The following IL1RAPL2 variants were observed in gnomAD, a reference collection of about 807,000 sequenced individuals.
IL1RAPL2 encodes the protein interleukin 1 receptor accessory protein like 2, also known as X-linked interleukin-1 receptor accessory protein-like 2.
In IL1RAPL2, 3 loss-of-function variants were observed where a neutral mutation model predicts 44.1. The ratio of observed to expected loss-of-function variants is 0.07; its 90% CI spans 0.03 to 0.18. IL1RAPL2 has a LOEUF of 0.18. IL1RAPL2 is among the 10% of genes least tolerant of loss of function. The pLI, the probability that IL1RAPL2 is intolerant of heterozygous loss-of-function variation, is 1.00. For missense variants in IL1RAPL2, 391 were observed against 496.4 expected (o/e 0.79, Z 2.02); for synonymous variants, 181 against 178.8 (o/e 1.01, Z -0.10).
chrX:104,775,424 T>C (rs772898754), intron 2 of IL1RAPL2, among the ~76,000 whole-genome samples: 3 of 112,334 alleles, frequency 2.7e-5, no homozygotes, highest in East Asian at 2.8e-4. Context: ...TCGCAGACTA[T>C]AGATGTGCCT....
chrX:104,949,837 A>T (rs1441548642), intron 2 of IL1RAPL2, among the ~76,000 whole-genome samples: 1 of 111,158 alleles, frequency 9.0e-6, no homozygotes, highest in Non-Finnish European at 1.9e-5. Context: ...CTTTACTTCC[A>T]AGTATGTGGT....
intron 6 of IL1RAPL2, among the ~76,000 whole-genome samples, chrX:105,628,224 C>CTT (rs2037467870): frequency 4.5e-5 from 5 of 110,794 alleles, no homozygotes; most frequent in Non-Finnish European, 9.4e-5. Flanking sequence ...ATGTGCACAA[C>CTT]GTGCAGGTTA....
chrX:104,655,456 T>G (rs1156832628), intron 1 of IL1RAPL2, among the ~76,000 whole-genome samples: 2 of 112,020 alleles, frequency 1.8e-5, no homozygotes, highest in African/African-American at 6.5e-5. Flanking sequence ...TTGGTTCTGT[T>G]TATGTGATGG....
At chrX:105,388,355 GA>G (rs1377198885) in intron 5 of IL1RAPL2, among the ~76,000 whole-genome samples, 3 of 58,220 alleles carry the variant, frequency 5.2e-5, no homozygotes, top group Non-Finnish European at 7.8e-5. Context: ...TACCAAAGCA[GA>G]TTTTTTTTTT....
chrX:105,001,470 T>TA lies in IL1RAPL2; in HGVS notation c.83-193999dup, dbSNP rs756717308. ...AACTGAGTTCTTTTGCTTCATTCAG[T>TA]AAAAAATAAGCAAATCAAGATGAAA... On this transcript the variant is annotated intron_variant, in intron 2 of 10. Coordinates refer to ENST00000372582, the MANE Select transcript of IL1RAPL2 (RefSeq NM_017416.2). 9.5e-4 allele frequency among the ~76,000 whole-genome samples: 106 copies of TA among 111,250 alleles called. 3 individuals carry two copies. In the Admixed American group the frequency reaches 1.0e-2, roughly 10 times the overall value.
At chrX:104,967,744 CAAAT>C (rs1308024713) in intron 2 of IL1RAPL2, among the ~76,000 whole-genome samples, 2 of 110,768 alleles carry the variant, frequency 1.8e-5, no homozygotes, top group East Asian at 2.8e-4. Context: ...TATGAAGTAA[CAAAT>C]AAGAAAATAC....
chrX:105,711,400 C>T (rs1348359426), intron 6 of IL1RAPL2, among the ~76,000 whole-genome samples: 1 of 110,738 alleles, frequency 9.0e-6, no homozygotes, highest in Non-Finnish European at 1.9e-5. Flanking sequence ...TCCACTCTCT[C>T]TCTCTCAATA....
At chrX:104,996,345 T>C (rs2030747458) in intron 2 of IL1RAPL2, among the ~76,000 whole-genome samples, 1 of 111,931 alleles carries the variant, frequency 8.9e-6, no homozygotes. Context: ...ATTGGAGATA[T>C]CATGAGTAAT....
intron 2 of IL1RAPL2, among the ~76,000 whole-genome samples, chrX:104,683,634 C>T (rs921641002): frequency 4.4e-5 from 5 of 112,480 alleles, no homozygotes; most frequent in African/African-American, 1.6e-4. Context: ...ATGATTCCAC[C>T]GACTGTTTCA....
chrX:104,983,324 C>T (rs757108151), intron 2 of IL1RAPL2, among the ~76,000 whole-genome samples: 2 of 100,675 alleles, frequency 2.0e-5, no homozygotes, highest in Admixed American at 1.1e-4. Context: ...GAATTGTGTC[C>T]GGAATAGAAA....
chrX:104,836,895 CT>C (rs1332547967), intron 2 of IL1RAPL2, among the ~76,000 whole-genome samples: 12 of 110,343 alleles, frequency 1.1e-4, no homozygotes, highest in Non-Finnish European at 2.3e-4. Flanking sequence ...CTCTTACCCC[CT>C]ATCCCTAATA....
At chrX:104,755,721 A>G (rs1342951969) in intron 2 of IL1RAPL2, among the ~76,000 whole-genome samples, 4 of 110,471 alleles carry the variant, frequency 3.6e-5, no homozygotes, top group Non-Finnish European at 7.6e-5. Flanking sequence ...CTGAAAAATA[A>G]TATTGGTCCC....
At chrX:104,983,468 CATA>C (rs1430898363) in intron 2 of IL1RAPL2, among the ~76,000 whole-genome samples, 2 of 95,976 alleles carry the variant, frequency 2.1e-5, no homozygotes, top group African/African-American at 7.8e-5. Context: ...ATATTAGATA[CATA>C]ATATTATATA....
At chrX:104,836,813 C>A (rs1921755643) in intron 2 of IL1RAPL2, among the ~76,000 whole-genome samples, 1 of 110,812 alleles carries the variant, frequency 9.0e-6, no homozygotes, top group African/African-American at 3.3e-5. Flanking sequence ...TGGTGATTTG[C>A]TGCACATATC....
intron 2 of IL1RAPL2, among the ~76,000 whole-genome samples, chrX:105,101,414 C>T (rs1247049680): frequency 2.7e-5 from 3 of 111,678 alleles, no homozygotes; most frequent in African/African-American, 6.5e-5. Flanking sequence ...GGAAGGATGC[C>T]GCATTTTAAT....
At chrX:104,899,517 G>A (rs1923750968) in intron 2 of IL1RAPL2, among the ~76,000 whole-genome samples, 1 of 111,755 alleles carries the variant, frequency 8.9e-6, no homozygotes, top group Admixed American at 9.5e-5. Context: ...TTCTTTCTGT[G>A]TTCTGAGTAA....
At chrX:105,531,303 A>G (rs1016268482) in intron 6 of IL1RAPL2, among the ~76,000 whole-genome samples, 4 of 112,288 alleles carry the variant, frequency 3.6e-5, no homozygotes, top group African/African-American at 1.3e-4. Flanking sequence ...CTGATAATCA[A>G]TGATGTTGAG....
At chrX:104,644,959 A>G (rs1169601333) in intron 1 of IL1RAPL2, among the ~76,000 whole-genome samples, 1 of 111,761 alleles carries the variant, frequency 8.9e-6, no homozygotes. Flanking sequence ...TTACTTGGCT[A>G]AATATAAAGG....
chrX:104,897,205 A>G (rs1394056605), intron 2 of IL1RAPL2, among the ~76,000 whole-genome samples: 2 of 112,064 alleles, frequency 1.8e-5, no homozygotes, highest in African/African-American at 6.5e-5. Context: ...TGTGGCTAGA[A>G]TCATCTGAAG....
Sources: gnomAD v4.1 joint callset for allele counts (sites outside exome capture counted in the v4.1 genomes callset) on GRCh38, gnomAD v4.1.1 for gene constraint, MANE v1.5 for transcripts, NCBI Gene and HGNC (gene_info 2026-07-23, HGNC 2026-07-21) for gene names.